Variants in KLHL28 observed in about 807,000 individuals in gnomAD.
KLHL28 encodes the protein kelch like family member 28, also known as kelch-like protein 28.
In KLHL28, 22 loss-of-function variants were observed where a neutral mutation model predicts 48.3. That is an observed-to-expected ratio of 0.46 (90% confidence interval 0.33 to 0.65). The LOEUF (loss-of-function observed/expected upper bound fraction) is 0.65. KLHL28 is among the 30% of genes least tolerant of loss of function. KLHL28 has a pLI of 0.03. For missense variants in KLHL28, 527 were observed against 704.3 expected, an observed-to-expected ratio of 0.75 and a Z score of 2.85; for synonymous variants, 243 against 242.4, an observed-to-expected ratio of 1.00 and a Z score of -0.02.
chr14:44,957,649 A>C (rs1314602961), intron 1 of KLHL28, among the ~76,000 whole-genome samples: 1 of 152,212 alleles, frequency 6.6e-6, no homozygotes, highest in Non-Finnish European at 1.5e-5. Context: ...TTTAACATGT[A>C]TTAATTCCTT....
chr14:44,954,866 A>C (rs1419472892), intron 1 of KLHL28, among the ~76,000 whole-genome samples: 1 of 152,222 alleles, frequency 6.6e-6, no homozygotes, highest in Non-Finnish European at 1.5e-5. Context: ...ACAAAGGAAG[A>C]AAATATCAAC....
At chr14:44,933,129 TTTTG>T (rs1883655794) in intron 3 of KLHL28, among the ~76,000 whole-genome samples, 1 of 152,206 alleles carries the variant, frequency 6.6e-6, no homozygotes, top group Non-Finnish European at 1.5e-5. Flanking sequence ...TACTGTATTA[TTTTG>T]TTTTTTATTA....
chr14:44,955,164 T>C (rs1258294176), intron 1 of KLHL28, among the ~76,000 whole-genome samples: 1 of 151,824 alleles, frequency 6.6e-6, no homozygotes, highest in African/African-American at 2.4e-5. Flanking sequence ...AACCTCACAG[T>C]CTGTATTTGA....
Position 44,945,772 on chromosome 14 carries a change from G to A in KLHL28, c.157C>T (p.Leu53Phe). 1 of 1,614,130 alleles carries A rather than the reference G, an allele frequency of 6.2e-7. No individual in the cohort carries two copies. The highest frequency in any genetic ancestry group is 2.2e-5 in the East Asian group (1 of 44,886). The change falls in exon 2 of 5, where the codon CTT (leucine) becomes TTT (phenylalanine). Residue 53 changes from leucine to phenylalanine, a missense_variant. By Grantham distance (22) the Leu-to-Phe change is conservative (BLOSUM62 0). Transcript: ENST00000396128. ...TTGAAATACGGGCTGACGCTGGCAA[G>A]TACCACTTTGTGAGCATGAATTTTA... Reference protein sequence around the residue: ...DVKIHAHKVVLASVSPYFKAM... With the variant: ...DVKIHAHKVVFASVSPYFKAM...
intron 1 of KLHL28, among the ~76,000 whole-genome samples, chr14:44,955,839 A>G (rs1165832800): frequency 2.0e-5 from 3 of 152,176 alleles, no homozygotes; most frequent in African/African-American, 7.2e-5. Context: ...AAATACTACA[A>G]GAGTCATATA....
intron 1 of KLHL28, chr14:44,961,079 T>G (rs1383575901): frequency 2.2e-6 from 1 of 453,600 alleles, no homozygotes; most frequent in East Asian, 3.3e-5. Flanking sequence ...TGTGTCCGTT[T>G]AAGTATCACT....
In KLHL28 at chr14:44,925,853, T is replaced by C. The variant is rs991537225; in HGVS notation, c.*3175A>G. On this transcript the variant is annotated 3_prime_UTR_variant, in exon 5 of 5. Coordinates refer to ENST00000396128, the MANE Select transcript of KLHL28 (RefSeq NM_017658.5). The stretch of plus-strand genomic sequence containing the variant: ...ATTCTATTACAACATCCAATGATTA[T>C]TGAATAGCCAAAGGTGCCTAACAGA... 7.9e-5 allele frequency: 12 copies of C among 152,300 alleles called. No homozygotes were observed. The highest frequency in any genetic ancestry group is 2.6e-4 in the African/African-American group (11 of 41,582). The allele number at this position is 152,300 out of a possible 1,614,324, so 9.4% of individuals were successfully genotyped here. A position where few individuals can be genotyped will look rare whatever the true frequency, so the allele number is the denominator to read the frequency against.
At chr14:44,939,272 T>G (rs1256805247) in intron 2 of KLHL28, among the ~76,000 whole-genome samples, 2 of 152,188 alleles carry the variant, frequency 1.3e-5, no homozygotes, top group Non-Finnish European at 2.9e-5. Flanking sequence ...GTTCTGAGAC[T>G]ACAACGGGAG....
chr14:44,948,042 A>C (rs1486290497), intron 1 of KLHL28, among the ~76,000 whole-genome samples: 1 of 152,080 alleles, frequency 6.6e-6, no homozygotes, highest in Non-Finnish European at 1.5e-5. Flanking sequence ...TGATCTTTTT[A>C]ACCTATGTAA....
At position 44,926,755 on chromosome 14, in the gene KLHL28, G is replaced by A. The variant is rs1883386249; in HGVS notation, c.*2273C>T. On this transcript the variant is annotated 3_prime_UTR_variant, in exon 5 of 5. Coordinates refer to ENST00000396128, the MANE Select transcript of KLHL28 (RefSeq NM_017658.5). Reference sequence around the variant, plus strand: ...ACTCCTGACCTCAGGTGATATACCCGCCTTGGCCTCTCCAAGTGCTGGGAT... The same window carrying A: ...ACTCCTGACCTCAGGTGATATACCCACCTTGGCCTCTCCAAGTGCTGGGAT... 1.3e-5 allele frequency: 2 copies of A among 152,136 alleles called. No individual in the cohort carries two copies. Among genetic ancestry groups the A allele is most frequent in the Non-Finnish European group, 2.9e-5 (2 of 68,046 alleles). The allele number at this position is 152,136 out of a possible 1,614,324, so 9.4% of individuals were successfully genotyped here.
At position 44,928,968 on chromosome 14, in the gene KLHL28, A is replaced by C; in HGVS notation, c.*60T>G. On this transcript the variant is annotated 3_prime_UTR_variant, in exon 5 of 5. Transcript: ENST00000396128. ...CTTGTGGGTTTCAGAAAACTGGGCC[A>C]TCCGGATGTTCATGCAGTACAAGTT... 6.7e-7 allele frequency: 1 copy of C among 1,500,730 alleles called. No homozygotes were observed. Among genetic ancestry groups the C allele is most frequent in the Non-Finnish European group, 9.2e-7 (1 of 1,088,050 alleles). 93.0% of individuals were successfully genotyped at this position (1,500,730 alleles called of 1,614,324 possible). A position where few individuals can be genotyped will look rare whatever the true frequency, so the allele number is the denominator to read the frequency against.
chr14:44,961,773 C>T (rs1173534647), intron 1 of KLHL28, 73 bp downstream of exon 1: 1 of 152,364 alleles, frequency 6.6e-6, no homozygotes, highest in African/African-American at 2.4e-5. Context: ...TTGCCTCTTA[C>T]TCTAGCACCA....
Position 44,928,920 on chromosome 14 carries a change from A to C in KLHL28, c.*108T>G. On this transcript the variant is annotated 3_prime_UTR_variant, in exon 5 of 5. Coordinates refer to ENST00000396128, the MANE Select transcript of KLHL28 (RefSeq NM_017658.5). Reference sequence around the variant, plus strand: ...AACTTTTGAGCCTTCATGCTACTTCAAGTTAAAAAGAAAGCAATGCAGCTT... The same window carrying C: ...AACTTTTGAGCCTTCATGCTACTTCCAGTTAAAAAGAAAGCAATGCAGCTT... 1 of 987,050 alleles carries C rather than the reference A, an allele frequency of 1.0e-6. No homozygotes were observed. The highest frequency in any genetic ancestry group is 2.5e-5 in the East Asian group (1 of 39,362). The allele number at this position is 987,050 out of a possible 1,614,324, so 61.1% of individuals were successfully genotyped here. A position where few individuals can be genotyped will look rare whatever the true frequency, so the allele number is the denominator to read the frequency against.
chr14:44,947,421 T>A (rs1884384984), intron 1 of KLHL28, among the ~76,000 whole-genome samples: 1 of 152,244 alleles, frequency 6.6e-6, no homozygotes, highest in African/African-American at 2.4e-5. Context: ...TTTAAGCAAC[T>A]GAGTTTGTGT....
chr14:44,945,699 T>G lies in KLHL28; in HGVS notation c.230A>C (p.Glu77Ala). Residue 77 changes from glutamate to alanine, a missense_variant, in exon 2 of 5, where the codon GAG becomes GCG. Glu to Ala is a moderately radical substitution (Grantham distance 107). Transcript: ENST00000396128. ...NLSEKENSEV[E>A]FQCIDETALQ... is the part of the protein sequence containing the mutation. ...AGCAGTTTCATCAATGCATTGAAAC[T>G]CAACCTCACTGTTCTCTTTTTCAGA... The G allele has an allele frequency of 6.2e-7, 1 of 1,614,162 alleles. No individual in the cohort carries two copies. Among genetic ancestry groups the G allele is most frequent in the Non-Finnish European group, 8.5e-7 (1 of 1,180,018 alleles).
At position 44,961,888 on chromosome 14, in the gene KLHL28, C is replaced by T. The variant is rs1885129876; in HGVS notation, c.-43G>A. On this transcript the variant is annotated 5_prime_UTR_variant, in exon 1 of 5. Transcript: ENST00000396128. The stretch of plus-strand genomic sequence containing the variant: ...CACGGGCAGCGACAGGAGGAGGAAC[C>T]GCGGACAACTGGAGCCTGGGCTGGA... 1 of 152,854 alleles carries T rather than the reference C, an allele frequency of 6.5e-6. No individual in the cohort carries two copies. Among genetic ancestry groups the T allele is most frequent in the Non-Finnish European group, 1.5e-5 (1 of 68,564 alleles). The allele number at this position is 152,854 out of a possible 1,614,324, so 9.5% of individuals were successfully genotyped here.
intron 1 of KLHL28, among the ~76,000 whole-genome samples, chr14:44,949,517 C>T (rs908418545): frequency 2.0e-5 from 3 of 152,004 alleles, no homozygotes; most frequent in Non-Finnish European, 4.4e-5. Context: ...CAAATACCCC[C>T]CAGAGTATAC....
intron 1 of KLHL28, among the ~76,000 whole-genome samples, chr14:44,953,242 C>T (rs1646396576): frequency 6.6e-6 from 1 of 152,030 alleles, no homozygotes; most frequent in Admixed American, 6.5e-5. Context: ...ACGGAATAGC[C>T]ATATGGAAAC....
Position 44,945,658 on chromosome 14 carries a change from C to CG in KLHL28, c.270_271insC (p.Glu91ArgfsTer16), listed in dbSNP as rs1211156449. 6.2e-7 allele frequency: 1 copy of CG among 1,614,192 alleles called. No homozygotes were observed. Among genetic ancestry groups the CG allele is most frequent in the Non-Finnish European group, 8.5e-7 (1 of 1,180,030 alleles). ...AAAACAGTCCCTGTATAGGCATACT[C>CG]CACAATGGCCTGGAGAGCAGTTTCA... On this transcript the variant is annotated frameshift_variant, in exon 2 of 5. Coordinates refer to ENST00000396128, the MANE Select transcript of KLHL28 (RefSeq NM_017658.5). LOFTEE classifies it high-confidence loss of function.
Sources: gnomAD v4.1 joint callset for allele counts (sites outside exome capture counted in the v4.1 genomes callset) on GRCh38, gnomAD v4.1.1 for gene constraint, MANE v1.5 for transcripts, NCBI Gene and HGNC (gene_info 2026-07-23, HGNC 2026-07-21) for gene names.